ANK2: variants seen among roughly 807,000 people sequenced by gnomAD.
ANK2 encodes the protein ankyrin-2.
A neutral mutation model predicts 360.5 loss-of-function variants in ANK2; 83 were observed. The observed-to-expected ratio is 0.23, with a 90% CI of 0.19 to 0.28. The LOEUF (loss-of-function observed/expected upper bound fraction) is 0.28. Among genes scored for constraint, ANK2 ranks in the 10% least tolerant of loss-of-function variants. ANK2 has a pLI of 1.00. For synonymous variants in ANK2, 1,740 were observed against 1,759.5 expected, an observed-to-expected ratio of 0.99 and a Z score of 0.28; for missense variants, 4,201 against 4,795.7, an observed-to-expected ratio of 0.88 and a Z score of 3.66.
At chr4:113,137,836 T>C (rs767105358) in intron 1 of ANK2, among the ~76,000 whole-genome samples, 2 of 152,184 alleles carry the variant, frequency 1.3e-5, no homozygotes, top group Non-Finnish European at 2.9e-5. Context: ...ATAGTGTCCA[T>C]CTAGAATTTA....
intron 1 of ANK2, among the ~76,000 whole-genome samples, chr4:113,130,355 T>C (rs1458594185): frequency 6.6e-6 from 1 of 152,210 alleles, no homozygotes; most frequent in African/African-American, 2.4e-5. Context: ...AATATTGTCT[T>C]TAATATTTCA....
upstream of ANK2, chr4:113,049,517 T>TA (rs2065959113): frequency 2.2e-6 from 2 of 894,916 alleles, no homozygotes; most frequent in Non-Finnish European, 3.2e-6. Context: ...TTCCTGATGG[T>TA]AATTGGTTGA....
chr4:112,724,495 G>A, the ANK2 span, among the ~76,000 whole-genome samples: 1 of 151,816 alleles, frequency 6.6e-6, no homozygotes, highest in East Asian at 1.9e-4. Context: ...CCCTCATGGA[G>A]TTTACATTCT....
chr4:113,280,556 T>TA (rs1293350827), intron 17 of ANK2, among the ~76,000 whole-genome samples: 1 of 152,218 alleles, frequency 6.6e-6, no homozygotes, highest in Non-Finnish European at 1.5e-5. Flanking sequence ...GTCTCCACTT[T>TA]AGACTCTCTT....
At chr4:112,966,694 AATCATATGTAAG>A (rs1561326272) in intron 2 of ANK2, among the ~76,000 whole-genome samples, 1 of 152,172 alleles carries the variant, frequency 6.6e-6, no homozygotes, top group Admixed American at 6.5e-5. Context: ...TCACAACCAT[AATCATATGTAAG>A]ATCATGGATA....
chr4:112,910,108 C>T (rs542684244), intron 2 of ANK2, among the ~76,000 whole-genome samples: 6 of 152,146 alleles, frequency 3.9e-5, no homozygotes, highest in African/African-American at 7.2e-5. Flanking sequence ...CCAATATCTG[C>T]GTTTACATGC....
chr4:113,096,460 G>T (rs1157553504), intron 1 of ANK2, among the ~76,000 whole-genome samples: 1 of 152,092 alleles, frequency 6.6e-6, no homozygotes, highest in Non-Finnish European at 1.5e-5. Flanking sequence ...TCCTTACCAT[G>T]AGGCTTCCAC....
intron 1 of ANK2, among the ~76,000 whole-genome samples, chr4:113,111,410 T>A (rs535964020): frequency 6.6e-6 from 1 of 152,160 alleles, no homozygotes; most frequent in Non-Finnish European, 1.5e-5. Context: ...TCTTCATGGA[T>A]AAAGGCACGA....
At chr4:113,363,289 C>G in intron 39 of ANK2, 49 bp from the exon 40 acceptor site, 1 of 1,595,640 alleles carries the variant, frequency 6.3e-7, no homozygotes, top group Non-Finnish European at 8.6e-7. Context: ...AATGTAGAGA[C>G]TGAAACCTTG....
chr4:112,799,079 T>C, the ANK2 span, among the ~76,000 whole-genome samples: 2 of 152,230 alleles, frequency 1.3e-5, no homozygotes, highest in Non-Finnish European at 2.9e-5. Flanking sequence ...TTTGTCCTTT[T>C]GTGACTGGCT....
At chr4:112,727,823 A>G in the ANK2 span, among the ~76,000 whole-genome samples, 4 of 152,158 alleles carry the variant, frequency 2.6e-5, no homozygotes, top group Non-Finnish European at 5.9e-5. Context: ...TACTAAAAAT[A>G]CAAAAAATTA....
chr4:112,726,565 GT>G, the ANK2 span, among the ~76,000 whole-genome samples: 19 of 151,778 alleles, frequency 1.3e-4, no homozygotes, highest in African/African-American at 4.6e-4. Flanking sequence ...TGTATTTATA[GT>G]TCAGAGCTAA....
At chr4:112,839,865 G>C (rs2061733053) in intron 1 of ANK2, among the ~76,000 whole-genome samples, 1 of 152,128 alleles carries the variant, frequency 6.6e-6, no homozygotes, top group Admixed American at 6.6e-5. Context: ...ATTTTGCCTT[G>C]CACATTCTTT....
At chr4:112,720,886 A>ATGGT in the ANK2 span, among the ~76,000 whole-genome samples, 1 of 152,356 alleles carries the variant, frequency 6.6e-6, no homozygotes, top group East Asian at 1.9e-4. Flanking sequence ...CTATTAGAGG[A>ATGGT]CCATCAAGGG....
chr4:113,132,139 TTTA>T (rs2096076992), intron 1 of ANK2, among the ~76,000 whole-genome samples: 1 of 152,140 alleles, frequency 6.6e-6, no homozygotes, highest in African/African-American at 2.4e-5. Flanking sequence ...TGATTAGAGG[TTTA>T]TTTTTTCTAA....
At chr4:113,327,742 T>A (rs1348954430) in intron 26 of ANK2, among the ~76,000 whole-genome samples, 3 of 152,202 alleles carry the variant, frequency 2.0e-5, no homozygotes, top group African/African-American at 7.2e-5. Context: ...TCATGTGACA[T>A]CTGGGGCTTA....
intron 34 of ANK2, among the ~76,000 whole-genome samples, chr4:113,344,277 A>G (rs2094586444): frequency 6.6e-6 from 1 of 152,220 alleles, no homozygotes; most frequent in Non-Finnish European, 1.5e-5. Context: ...ACAGATGGTC[A>G]ATAAGCATAT....
chr4:113,018,395 C>G (rs1194141997), intron 2 of ANK2, among the ~76,000 whole-genome samples: 1 of 152,148 alleles, frequency 6.6e-6, no homozygotes, highest in Non-Finnish European at 1.5e-5. Context: ...AAGGAACCAT[C>G]GCGTAAAGAA....
At chr4:113,109,934 TG>T (rs1446801111) in intron 1 of ANK2, among the ~76,000 whole-genome samples, 3 of 152,106 alleles carry the variant, frequency 2.0e-5, no homozygotes, top group Non-Finnish European at 4.4e-5. Flanking sequence ...CCTCTGAAAA[TG>T]TGGTTTCTAA....
Sources: gnomAD v4.1 joint callset for allele counts (sites outside exome capture counted in the v4.1 genomes callset) on GRCh38, gnomAD v4.1.1 for gene constraint, MANE v1.5 for transcripts, NCBI Gene and HGNC (gene_info 2026-07-23, HGNC 2026-07-21) for gene names.